SNTG1: variants seen among roughly 807,000 people sequenced by gnomAD.
SNTG1 encodes gamma-1-syntrophin.
In SNTG1, 39 loss-of-function variants were observed where a neutral mutation model predicts 74.7. The ratio of observed to expected loss-of-function variants is 0.52; its 90% confidence interval spans 0.40 to 0.68. The LOEUF (loss-of-function observed/expected upper bound fraction) is 0.68. Among genes scored for constraint, SNTG1 ranks in the 30% least tolerant of loss-of-function variants. The pLI is 0.00. For synonymous variants in SNTG1, 254 were observed against 217.1 expected (o/e 1.17, Z -1.49); for missense variants, 685 against 609.5 (o/e 1.12, Z -1.30).
Position 50,060,764 on chromosome 8 carries a change from C to A in SNTG1, c.-102-111797C>A, listed in dbSNP as rs565219054. Reference sequence around the variant, plus strand: ...CGGCTTGCCTGGAGTCTACCCTACCCCTATGGATATGTTTTGAGATTTGTT... The same window carrying A: ...CGGCTTGCCTGGAGTCTACCCTACCACTATGGATATGTTTTGAGATTTGTT... On this transcript the variant is annotated intron_variant, in intron 1 of 18. Transcript: ENST00000642720. 1.2e-4 allele frequency among the ~76,000 whole-genome samples: 18 copies of A among 152,112 alleles called. No individual in the cohort carries two copies. The East Asian group carries it at 3.5e-3, about 29-fold the overall frequency.
At chr8:50,712,216 A>G (rs2095463490) in intron 17 of SNTG1, among the ~76,000 whole-genome samples, 1 of 152,160 alleles carries the variant, frequency 6.6e-6, no homozygotes, top group African/African-American at 2.4e-5. Context: ...CCAGACAGAT[A>G]TCTGTAAGTG....
Position 50,312,631 on chromosome 8 carries a change from T to C in SNTG1, c.-27-81581T>C, listed in dbSNP as rs938524732. Among the ~76,000 whole-genome samples the C allele has an allele frequency of 8.7e-5, 13 of 149,760 alleles. 3 individuals carry two copies. The highest frequency in any genetic ancestry group is 3.2e-4 in the African/African-American group (13 of 40,182). On this transcript the variant is annotated intron_variant, in intron 2 of 18. Transcript: ENST00000642720. ...ACGATTATGAAAAATTTCAAGCCTA[T>C]ACAAAAACAATGAAAATAGCATAAT...
chr8:50,313,212 C>G lies in SNTG1; in HGVS notation c.-27-81000C>G, dbSNP rs1201416804. On this transcript the variant is annotated intron_variant, in intron 2 of 18. Transcript: ENST00000642720. ...TAAGATCTGAAACTATAAAATAATT[C>G]AAAGAAAAACTTAGAGGAAAAGCTG... is the stretch of plus-strand genomic sequence containing the variant. Among the ~76,000 whole-genome samples, 2 of 149,560 alleles carry G rather than the reference C, an allele frequency of 1.3e-5. 1 individual carries two copies. The highest frequency in any genetic ancestry group is 5.0e-5 in the African/African-American group (2 of 40,030).
intron 1 of SNTG1, among the ~76,000 whole-genome samples, chr8:49,958,038 T>C (rs895906983): frequency 3.3e-5 from 5 of 152,202 alleles, no homozygotes; most frequent in African/African-American, 9.6e-5. Context: ...CCAAGTTTAA[T>C]GCTTGAACTT....
chr8:50,424,924 TTGAC>T (rs1484051990), intron 4 of SNTG1, among the ~76,000 whole-genome samples: 1 of 152,178 alleles, frequency 6.6e-6, no homozygotes, highest in African/African-American at 2.4e-5. Flanking sequence ...TACATAAACA[TTGAC>T]TACTGACTCA....
intron 1 of SNTG1, among the ~76,000 whole-genome samples, chr8:49,926,316 T>C (rs562177027): frequency 6.6e-6 from 1 of 152,070 alleles, no homozygotes; most frequent in Non-Finnish European, 1.5e-5. Flanking sequence ...ACACAATTTG[T>C]ACAAGTATAA....
chr8:50,534,220 T>C (rs2094291310), intron 10 of SNTG1, among the ~76,000 whole-genome samples: 2 of 152,224 alleles, frequency 1.3e-5, no homozygotes, highest in Admixed American at 1.3e-4. Context: ...ATCCTGGGGG[T>C]GCCCTTTGCT....
At chr8:50,774,620 C>CA (rs1274236488) in intron 18 of SNTG1, among the ~76,000 whole-genome samples, 1 of 151,754 alleles carries the variant, frequency 6.6e-6, no homozygotes, top group Non-Finnish European at 1.5e-5. Context: ...CTTGAATACA[C>CA]ACTTAGAAAT....
chr8:49,957,055 T>G (rs1810245869), intron 1 of SNTG1, among the ~76,000 whole-genome samples: 1 of 152,278 alleles, frequency 6.6e-6, no homozygotes. Context: ...AGTTACAAGA[T>G]GAGTAAGTTA....
chr8:50,257,934 A>G (rs2086967173), intron 2 of SNTG1, among the ~76,000 whole-genome samples: 1 of 152,264 alleles, frequency 6.6e-6, no homozygotes, highest in East Asian at 1.9e-4. Flanking sequence ...ATAGAGGCAG[A>G]GCAGCCAGAA....
chr8:50,289,072 G>T (rs1023480884), intron 2 of SNTG1, among the ~76,000 whole-genome samples: 10 of 152,096 alleles, frequency 6.6e-5, no homozygotes, highest in Admixed American at 3.3e-4. Context: ...GCTTTGCAAA[G>T]TTCCTCTAAG....
At chr8:49,967,241 G>A (rs1811224370) in intron 1 of SNTG1, among the ~76,000 whole-genome samples, 1 of 152,162 alleles carries the variant, frequency 6.6e-6, no homozygotes, top group East Asian at 1.9e-4. Context: ...AAGAAAAAGG[G>A]GCTTGAAGAA....
chr8:50,790,170 T>C, intron 18 of SNTG1, among the ~76,000 whole-genome samples: 1 of 151,992 alleles, frequency 6.6e-6, no homozygotes, highest in South Asian at 2.1e-4. Flanking sequence ...TGACATATTG[T>C]CCTTAATTTA....
chr8:50,516,621 A>C (rs149442356), intron 9 of SNTG1, among the ~76,000 whole-genome samples: 93 of 152,312 alleles, frequency 6.1e-4, no homozygotes, highest in African/African-American at 2.0e-3. Context: ...GAGCTGAAAA[A>C]CACAGCATGA....
intron 1 of SNTG1, among the ~76,000 whole-genome samples, chr8:49,971,038 A>T (rs1811618244): frequency 1.3e-5 from 2 of 152,188 alleles, no homozygotes. Flanking sequence ...CATCATCCTG[A>T]TACCAAAGCC....
At chr8:50,501,439 T>TG (rs1585481186) in intron 8 of SNTG1, among the ~76,000 whole-genome samples, 1 of 130,700 alleles carries the variant, frequency 7.7e-6, no homozygotes, top group Non-Finnish European at 1.6e-5. Flanking sequence ...TTTTTTTTTT[T>TG]TTTTTTTTTT....
At chr8:50,251,106 A>G (rs1454911040) in intron 2 of SNTG1, among the ~76,000 whole-genome samples, 2 of 152,116 alleles carry the variant, frequency 1.3e-5, no homozygotes, top group African/African-American at 2.4e-5. Context: ...AAAAAAGTCT[A>G]TAGTATTTTT....
chr8:50,282,139 A>G (rs1033076796), intron 2 of SNTG1, among the ~76,000 whole-genome samples: 10 of 152,132 alleles, frequency 6.6e-5, no homozygotes, highest in African/African-American at 2.4e-4. Context: ...TTCCCCAACC[A>G]GAGACATACC....
intron 9 of SNTG1, among the ~76,000 whole-genome samples, chr8:50,511,266 C>G (rs1479106067): frequency 9.9e-5 from 15 of 152,248 alleles, no homozygotes; most frequent in Admixed American, 8.5e-4. Context: ...TTTGATTGCA[C>G]TGTGGTCTGA....
Sources: gnomAD v4.1 joint callset for allele counts (sites outside exome capture counted in the v4.1 genomes callset) on GRCh38, gnomAD v4.1.1 for gene constraint, MANE v1.5 for transcripts, NCBI Gene and HGNC (gene_info 2026-07-23, HGNC 2026-07-21) for gene names.